SYNPR: variants seen among roughly 807,000 people sequenced by gnomAD.
The protein encoded by SYNPR is synaptoporin.
Under a neutral mutation model 32.9 loss-of-function variants are expected in SYNPR, and 23 were observed. The ratio of observed to expected loss-of-function variants is 0.70; its 90% confidence interval spans 0.50 to 0.99. The LOEUF (loss-of-function observed/expected upper bound fraction) is 0.99, where lower values mean the gene tolerates loss of function less well. Ranked by LOEUF, SYNPR falls within the 50% of genes least tolerant of loss-of-function variation. The pLI is 0.00. For synonymous variants in SYNPR, 146 were observed against 135.9 expected, an observed-to-expected ratio of 1.07 and a Z score of -0.52; for missense variants, 318 against 349.3, an observed-to-expected ratio of 0.91 and a Z score of 0.71.
intron 4 of SYNPR, among the ~76,000 whole-genome samples, chr3:63,587,594 G>A (rs144796860): frequency 1.3e-5 from 2 of 152,182 alleles, no homozygotes; most frequent in East Asian, 3.9e-4. Flanking sequence ...ATTTTTTCTG[G>A]TTTCCGGGAA....
At chr3:63,468,194 CAAAAA>C (rs552378431) in intron 2 of SYNPR, among the ~76,000 whole-genome samples, 4 of 80,828 alleles carry the variant, frequency 4.9e-5, no homozygotes, top group Admixed American at 2.8e-4. Flanking sequence ...AACTCCATCT[CAAAAA>C]AAAAAAAAAA....
chr3:63,326,913 T>A (rs1017402776), intron 2 of SYNPR, among the ~76,000 whole-genome samples: 1 of 152,076 alleles, frequency 6.6e-6, no homozygotes, highest in South Asian at 2.1e-4. Flanking sequence ...TTAATTTCAA[T>A]GGCCATCAGA....
rs557795292 is a variant in SYNPR at position 63,250,381 on chromosome 3, T to A, written n.67-2118T>A. On this transcript the variant is annotated intron_variant and non_coding_transcript_variant, in intron 1 of 4. Transcript: ENST00000478456. ...TAAAATTATCCAAGATCTCCACGCC[T>A]GGGGCAATTATTCATTCCTAACAGG... 2.2e-4 allele frequency among the ~76,000 whole-genome samples: 34 copies of A among 152,198 alleles called. No homozygotes were observed. In the East Asian group the frequency reaches 6.4e-3, roughly 29 times the overall value.
chr3:63,306,672 A>G (rs1226651087), intron 2 of SYNPR, among the ~76,000 whole-genome samples: 1 of 152,074 alleles, frequency 6.6e-6, no homozygotes, highest in Non-Finnish European at 1.5e-5. Context: ...AAAGAAATCA[A>G]TCAAAGCTCT....
intron 4 of SYNPR, among the ~76,000 whole-genome samples, chr3:63,576,508 G>A (rs1386320362): frequency 6.6e-6 from 1 of 152,022 alleles, no homozygotes; most frequent in Non-Finnish European, 1.5e-5. Flanking sequence ...CACGTTATCT[G>A]GGGCTGGGCG....
intron 3 of SYNPR, among the ~76,000 whole-genome samples, chr3:63,532,748 C>A (rs183321370): frequency 6.6e-6 from 1 of 152,356 alleles, no homozygotes; most frequent in African/African-American, 2.4e-5. Context: ...AGGTCCCAGA[C>A]GCTTAGGCAC....
At chr3:63,206,289 G>T in the SYNPR span, among the ~76,000 whole-genome samples, 1 of 152,130 alleles carries the variant, frequency 6.6e-6, no homozygotes, top group Non-Finnish European at 1.5e-5. Context: ...TTCTCCAGGG[G>T]ACATTTGTGA....
chr3:63,420,516 G>C (rs1440337939), intron 2 of SYNPR, among the ~76,000 whole-genome samples: 2 of 152,044 alleles, frequency 1.3e-5, no homozygotes, highest in Non-Finnish European at 2.9e-5. Context: ...AAAAAAAATT[G>C]TATTCCTACC....
chr3:63,470,925 T>C (rs1700783229), intron 2 of SYNPR, among the ~76,000 whole-genome samples: 1 of 152,200 alleles, frequency 6.6e-6, no homozygotes, highest in South Asian at 2.1e-4. Context: ...TAAGGCCCCG[T>C]AGGTCAGACT....
intron 5 of SYNPR, 93 bp from the exon 6 acceptor site, chr3:63,615,131 G>A: frequency 7.1e-7 from 1 of 1,415,436 alleles, no homozygotes; most frequent in Non-Finnish European, 9.5e-7. Flanking sequence ...AGTGAAAAGT[G>A]ATCTTTTGTA....
chr3:63,420,171 A>C (rs1192692603), intron 2 of SYNPR, among the ~76,000 whole-genome samples: 1 of 152,228 alleles, frequency 6.6e-6, no homozygotes, highest in Non-Finnish European at 1.5e-5. Context: ...ATTCAATGAC[A>C]TTTTAATTAA....
chr3:63,299,892 G>C (rs568150974), intron 2 of SYNPR, among the ~76,000 whole-genome samples: 1 of 152,120 alleles, frequency 6.6e-6, no homozygotes, highest in Non-Finnish European at 1.5e-5. Flanking sequence ...GGTGGTGACA[G>C]TCATTTGTAT....
chr3:63,228,273 G>A (rs1417604006), upstream of SYNPR: 7 of 152,290 alleles, frequency 4.6e-5, no homozygotes, highest in Middle Eastern at 0.01. Flanking sequence ...TGGGAGGAGA[G>A]GATACTGATA....
chr3:63,255,135 C>A (rs2086371148), intron 2 of SYNPR, among the ~76,000 whole-genome samples: 1 of 152,200 alleles, frequency 6.6e-6, no homozygotes, highest in East Asian at 1.9e-4. Context: ...TCGTGACAAA[C>A]AAACATCTCT....
chr3:63,585,295 T>C (rs556601388), intron 4 of SYNPR, among the ~76,000 whole-genome samples: 2 of 152,262 alleles, frequency 1.3e-5, no homozygotes, highest in South Asian at 2.1e-4. Flanking sequence ...CAAATTTTTT[T>C]CATCCAGGAT....
At chr3:63,447,950 G>A (rs1173751031) in intron 2 of SYNPR, among the ~76,000 whole-genome samples, 1 of 152,084 alleles carries the variant, frequency 6.6e-6, no homozygotes, top group Non-Finnish European at 1.5e-5. Flanking sequence ...GGGCATAAAA[G>A]GTTTCTACTG....
intron 2 of SYNPR, among the ~76,000 whole-genome samples, chr3:63,414,633 G>T (rs746813634): frequency 6.6e-6 from 1 of 152,108 alleles, no homozygotes. Flanking sequence ...TAAATATTTT[G>T]AATCAGTCAA....
At chr3:63,486,315 C>A (rs1701149299) in intron 3 of SYNPR, among the ~76,000 whole-genome samples, 1 of 152,132 alleles carries the variant, frequency 6.6e-6, no homozygotes, top group Non-Finnish European at 1.5e-5. Flanking sequence ...CTGGAGCAGC[C>A]CTTACCCAAT....
intron 2 of SYNPR, among the ~76,000 whole-genome samples, chr3:63,469,600 A>G (rs1024581818): frequency 6.6e-6 from 1 of 152,170 alleles, no homozygotes; most frequent in Non-Finnish European, 1.5e-5. Flanking sequence ...TTTTTATTTT[A>G]TCTTATTATT....
Sources: gnomAD v4.1 joint callset for allele counts (sites outside exome capture counted in the v4.1 genomes callset) on GRCh38, gnomAD v4.1.1 for gene constraint, MANE v1.5 for transcripts, NCBI Gene and HGNC (gene_info 2026-07-23, HGNC 2026-07-21) for gene names.